The following HNF1B variants were observed in gnomAD, a reference collection of about 807,000 sequenced individuals.
HNF1B encodes the protein hepatocyte nuclear factor 1-beta.
Under a neutral mutation model 61.7 loss-of-function variants are expected in HNF1B, and 8 were observed. The observed-to-expected ratio is 0.13, with a 90% CI of 0.08 to 0.23. The LOEUF is 0.23. Among genes scored for constraint, HNF1B ranks in the 10% least tolerant of loss-of-function variants. The pLI is 1.00. For synonymous variants in HNF1B, 314 were observed against 287.7 expected (o/e 1.09, Z -0.93); for missense variants, 562 against 714.5 (o/e 0.79, Z 2.43).
Position 37,699,154 on chromosome 17 carries a change from G to C in HNF1B, c.1575C>G (p.Thr525=). 1 of 1,614,094 alleles carries C rather than the reference G, an allele frequency of 6.2e-7. No homozygotes were observed. Among genetic ancestry groups the C allele is most frequent in the African/African-American group, 1.3e-5 (1 of 75,024 alleles). The change falls in exon 8 of 9, where the codon ACC becomes ACG. Residue 525 remains threonine, a synonymous_variant. Transcript: ENST00000617811. ...CCACCATTGCAGATGGAAACCGGGAGGTGTGGGAATACTGGGGGGGTTCCT... is the reference window on the plus strand; with the variant it reads ...CCACCATTGCAGATGGAAACCGGGACGTGTGGGAATACTGGGGGGGTTCCT... ...HKQEPPQYSH[T]SRFPSAMVVT... is the part of the protein sequence containing the mutation.
At chr17:37,731,240 C>T (rs940997092) in intron 4 of HNF1B, 13 of 426,016 alleles carry the variant, frequency 3.1e-5, no homozygotes, top group African/African-American at 1.8e-4. Flanking sequence ...CACGCCATCA[C>T]GACCCGTTTG....
chr17:37,740,571 T>A (rs1168040060), intron 1 of HNF1B, among the ~76,000 whole-genome samples: 1 of 152,086 alleles, frequency 6.6e-6, no homozygotes, highest in East Asian at 1.9e-4. Context: ...AGAAAAGTTT[T>A]CCAAAATACA....
chr17:37,688,398 C>CACAT (rs1321839558), intron 8 of HNF1B, among the ~76,000 whole-genome samples: 1 of 151,658 alleles, frequency 6.6e-6, no homozygotes, highest in African/African-American at 2.4e-5. Flanking sequence ...CACACACACA[C>CACAT]ACACACACAC....
chr17:37,715,624 A>G (rs2033082537), intron 4 of HNF1B, among the ~76,000 whole-genome samples: 1 of 152,178 alleles, frequency 6.6e-6, no homozygotes, highest in Non-Finnish European at 1.5e-5. Context: ...TGCACTGGTA[A>G]GACACATCCA....
At chr17:37,740,070 G>A (rs1215350765) in intron 1 of HNF1B, among the ~76,000 whole-genome samples, 2 of 152,072 alleles carry the variant, frequency 1.3e-5, no homozygotes, top group East Asian at 3.8e-4. Context: ...CTGGGTTCAA[G>A]CGATTCTCCT....
intron 1 of HNF1B, among the ~76,000 whole-genome samples, chr17:37,743,801 A>G (rs756896451): frequency 6.6e-6 from 1 of 152,154 alleles, no homozygotes; most frequent in Non-Finnish European, 1.5e-5. Flanking sequence ...AGGTCTGGAA[A>G]CGCCCTCCTT....
chr17:37,728,432 A>G (rs1373137029), intron 4 of HNF1B, among the ~76,000 whole-genome samples: 8 of 145,084 alleles, frequency 5.5e-5, no homozygotes, highest in Non-Finnish European at 1.1e-4. Context: ...TCAGCCTCCC[A>G]AGTAGCTGGG....
At chr17:37,723,065 C>T (rs556472506) in intron 4 of HNF1B, among the ~76,000 whole-genome samples, 1 of 151,910 alleles carries the variant, frequency 6.6e-6, no homozygotes, top group Non-Finnish European at 1.5e-5. Context: ...AATGGCCGGG[C>T]GCGGTGGCTC....
intron 8 of HNF1B, among the ~76,000 whole-genome samples, chr17:37,689,616 G>A (rs950903137): frequency 2.0e-5 from 3 of 152,224 alleles, no homozygotes; most frequent in South Asian, 2.1e-4. Context: ...CCCAGCACAC[G>A]CAGCCCCACG....
At chr17:37,693,365 A>G (rs2032273700) in intron 8 of HNF1B, among the ~76,000 whole-genome samples, 1 of 152,086 alleles carries the variant, frequency 6.6e-6, no homozygotes, top group Non-Finnish European at 1.5e-5. Flanking sequence ...GATTTTCCCC[A>G]TTTATAGATG....
chr17:37,737,897 G>C (rs116816554), intron 2 of HNF1B, among the ~76,000 whole-genome samples: 1 of 152,184 alleles, frequency 6.6e-6, no homozygotes, highest in East Asian at 1.9e-4. Context: ...ATCTCTTGAA[G>C]AGGCTGTTGT....
chr17:37,717,860 G>A (rs906441101), intron 4 of HNF1B, among the ~76,000 whole-genome samples: 2 of 152,210 alleles, frequency 1.3e-5, no homozygotes, highest in African/African-American at 4.8e-5. Flanking sequence ...TCCTCTGAGA[G>A]GATACAGATT....
At chr17:37,687,456 T>C in intron 8 of HNF1B, 64 bp from the exon 9 acceptor site, 1 of 1,309,684 alleles carries the variant, frequency 7.6e-7, no homozygotes, top group Middle Eastern at 1.8e-4. Flanking sequence ...GGCCATTAGT[T>C]TGGCTTCTCT....
At chr17:37,692,566 T>C (rs575924011) in intron 8 of HNF1B, among the ~76,000 whole-genome samples, 258 of 152,362 alleles carry the variant, frequency 1.7e-3, no homozygotes, top group Non-Finnish European at 3.0e-3. Context: ...GGGGTGCTGC[T>C]TGGAAAATGG....
At chr17:37,720,900 A>G in intron 4 of HNF1B, 1 of 985,422 alleles carries the variant, frequency 1.0e-6, no homozygotes, top group Non-Finnish European at 1.2e-6. Context: ...GTTGTAGACA[A>G]TGAAGAAGAA....
Position 37,701,327 on chromosome 17 carries a change from G to A in HNF1B, c.1340-150C>T, listed in dbSNP as rs1204756533. ...CATGGGAGGCAAGTGTAAAGAAACG[G>A]AGACTTGGAGATATTAATTTACTTG... On this transcript the variant is annotated intron_variant, in intron 6 of 8. Transcript: ENST00000617811. The A allele has an allele frequency of 6.6e-6, 5 of 755,412 alleles. No homozygotes were observed. In the African/African-American group the frequency reaches 6.9e-5, roughly 10 times the overall value. The allele number at this position is 755,412 out of a possible 1,614,324, so 46.8% of individuals were successfully genotyped here.
intron 4 of HNF1B, among the ~76,000 whole-genome samples, chr17:37,716,464 G>T (rs993660289): frequency 6.6e-6 from 1 of 152,182 alleles, no homozygotes; most frequent in Non-Finnish European, 1.5e-5. Flanking sequence ...CTCCCAAAGT[G>T]CTGGGATTGA....
At chr17:37,709,507 C>T (rs2032863420) in intron 5 of HNF1B, among the ~76,000 whole-genome samples, 2 of 152,128 alleles carry the variant, frequency 1.3e-5, no homozygotes, top group South Asian at 4.1e-4. Flanking sequence ...CCACCTGCCT[C>T]AGTCTCCCCA....
chr17:37,689,549 A>G (rs2032118884), intron 8 of HNF1B, among the ~76,000 whole-genome samples: 1 of 152,236 alleles, frequency 6.6e-6, no homozygotes, highest in South Asian at 2.1e-4. Context: ...TGCCTCCTTC[A>G]GAGTCTAAAC....
Sources: gnomAD v4.1 joint callset for allele counts (sites outside exome capture counted in the v4.1 genomes callset) on GRCh38, gnomAD v4.1.1 for gene constraint, MANE v1.5 for transcripts, NCBI Gene and HGNC (gene_info 2026-07-23, HGNC 2026-07-21) for gene names.